Variants in SUPT5H observed in about 807,000 individuals in gnomAD.
The protein encoded by SUPT5H is transcription elongation factor SPT5.
Under a neutral mutation model 142.5 loss-of-function variants are expected in SUPT5H, and 24 were observed. The observed-to-expected ratio is 0.17, with a 90% CI of 0.12 to 0.24. The LOEUF (loss-of-function observed/expected upper bound fraction) is 0.24, where lower values mean the gene tolerates loss of function less well. Among genes scored for constraint, SUPT5H ranks in the 10% least tolerant of loss-of-function variants. The probability of loss-of-function intolerance (pLI) is 1.00; values close to 1 mark genes in which losing one functional copy is unlikely to be tolerated. For synonymous variants in SUPT5H, 546 were observed against 553.0 expected (o/e 0.99, Z 0.18); for missense variants, 893 against 1,471.8 (o/e 0.61, Z 6.43).
chr19:39,475,494 C>G (rs1260810090), intron 28 of SUPT5H, among the ~76,000 whole-genome samples: 1 of 150,990 alleles, frequency 6.6e-6, no homozygotes, highest in African/African-American at 2.4e-5. Flanking sequence ...GCCGGAGAGC[C>G]ATGAAGGAAT....
intron 20 of SUPT5H, 141 bp downstream of exon 20, chr19:39,471,871 G>A (rs1243785156): frequency 1.6e-6 from 2 of 1,245,506 alleles, no homozygotes; most frequent in African/African-American, 3.0e-5. Flanking sequence ...CAAAGAGTGA[G>A]AAGGTTTATT....
rs1184055334 is a variant in SUPT5H, at chr19:39,472,522, G to A, written c.2035+29G>A. 1 of 1,611,830 alleles carries A rather than the reference G, an allele frequency of 6.2e-7. No individual in the cohort carries two copies. Among genetic ancestry groups the A allele is most frequent in the East Asian group, 2.2e-5 (1 of 44,850 alleles). On this transcript the variant is annotated intron_variant, in intron 21 of 29. Transcript: ENST00000432763. The surrounding 1 kb of genome is among the most constrained non-coding windows in gnomAD (Gnocchi z 4.2). ...AGAGGGGTTCAGGGTCAGGGGATGT[G>A]GTGGGTAGAAGGGGCTGGAAGGAAC... is the stretch of plus-strand genomic sequence containing the variant.
At chr19:39,455,581 A>G (rs760720233) in intron 3 of SUPT5H, among the ~76,000 whole-genome samples, 1 of 150,964 alleles carries the variant, frequency 6.6e-6, no homozygotes, top group African/African-American at 2.4e-5. Flanking sequence ...CATGGGGGGA[A>G]CATAGTGGTG....
Position 39,471,779 on chromosome 19 carries a change from C to T in SUPT5H, c.1950+49C>T, listed in dbSNP as rs367572712. On this transcript the variant is annotated intron_variant, in intron 20 of 29. Coordinates refer to ENST00000432763, the MANE Select transcript of SUPT5H (RefSeq NM_001111020.3). ...TGTGCGTTGGGTACCTGGCTCAGCT[C>T]TCCAAGCCTCCTCTGGCCCCAGAAG... 19 of 1,579,986 alleles carry T rather than the reference C, an allele frequency of 1.2e-5. No homozygotes were observed. In the African/African-American group the frequency reaches 2.4e-4, roughly 20 times the overall value.
rs2079408551 is a variant in SUPT5H at position 39,476,500 on chromosome 19, T to A, written c.*101T>A. On this transcript the variant is annotated 3_prime_UTR_variant, in exon 30 of 30. Coordinates refer to ENST00000432763, the MANE Select transcript of SUPT5H (RefSeq NM_001111020.3). ...GATCCTCCTGCAGGGCTAGGCGGAT[T>A]GTTCTGGATTTCCTTTTGTTTTTCC... is the stretch of plus-strand genomic sequence containing the variant. 10 of 1,429,000 alleles carry A rather than the reference T, an allele frequency of 7.0e-6. No individual in the cohort carries two copies. Among genetic ancestry groups the A allele is most frequent in the Non-Finnish European group, 8.6e-6 (9 of 1,047,970 alleles). The allele number at this position is 1,429,000 out of a possible 1,614,324, so 88.5% of individuals were successfully genotyped here. A position where few individuals can be genotyped will look rare whatever the true frequency, so the allele number is the denominator to read the frequency against.
intron 10 of SUPT5H, among the ~76,000 whole-genome samples, chr19:39,460,590 C>T (rs550755054): frequency 2.0e-5 from 3 of 152,194 alleles, no homozygotes; most frequent in African/African-American, 7.2e-5. Flanking sequence ...ATACAAAACT[C>T]AGCTGGGCGT....
chr19:39,471,709 G>A lies in SUPT5H; in HGVS notation c.1929G>A (p.Leu643=), dbSNP rs758797006. Residue 643 remains leucine, a synonymous_variant, in exon 20 of 30, where the codon CTG becomes CTA. Coordinates refer to ENST00000432763, the MANE Select transcript of SUPT5H (RefSeq NM_001111020.3). ...TGTTTGTCTGCAAGACCCGCCACCT[G>A]GTGCTGGCTGGGGGCTCAAAGGTGA... ...GGMFVCKTRH[L]VLAGGSKPRD... The A allele has an allele frequency of 6.2e-7, 1 of 1,614,088 alleles. No individual in the cohort carries two copies. Among genetic ancestry groups the A allele is most frequent in the Non-Finnish European group, 8.5e-7 (1 of 1,179,992 alleles).
chr19:39,472,520 G>A lies in SUPT5H; in HGVS notation c.2035+27G>A, dbSNP rs780143627. The A allele has an allele frequency of 7.4e-6, 12 of 1,612,016 alleles. 1 individual carries two copies. In the East Asian group the frequency reaches 1.1e-4, roughly 15 times the overall value. ...TGAGAGGGGTTCAGGGTCAGGGGAT[G>A]TGGTGGGTAGAAGGGGCTGGAAGGA... On this transcript the variant is annotated intron_variant, in intron 21 of 29. Transcript: ENST00000432763. This position sits in a 1 kb window ranked among gnomAD's most constrained non-coding sequence, Gnocchi z 4.2.
chr19:39,473,997 G>A lies in SUPT5H; in HGVS notation c.2527G>A (p.Glu843Lys), dbSNP rs757555270. ...EEEYEYAFDD[E>K]PTPSPQAYGG... The stretch of plus-strand genomic sequence containing the variant: ...AGAATATGAGTATGCTTTCGATGAT[G>A]AGCCCACCCCGTCCCCGCAGGCCTA... Residue 843 changes from glutamate (E) to lysine (K), a missense_variant, in exon 26 of 30, where the codon GAG becomes AAG. Physicochemically the swap from Glu to Lys is moderately conservative, Grantham distance 56. Coordinates refer to ENST00000432763, the MANE Select transcript of SUPT5H (RefSeq NM_001111020.3). The surrounding 1 kb of genome is among the most constrained non-coding windows in gnomAD (Gnocchi z 5.8). 1 of 1,613,902 alleles carries A rather than the reference G, an allele frequency of 6.2e-7. No individual in the cohort carries two copies. Among genetic ancestry groups the A allele is most frequent in the Non-Finnish European group, 8.5e-7 (1 of 1,179,958 alleles).
intron 3 of SUPT5H, among the ~76,000 whole-genome samples, chr19:39,455,040 T>C (rs2079069730): frequency 6.6e-6 from 1 of 152,234 alleles, no homozygotes; most frequent in Non-Finnish European, 1.5e-5. Context: ...CTTTAGAATT[T>C]ACTTTATGGT....
Position 39,472,402 on chromosome 19 carries a change from A to G in SUPT5H, c.1951-7A>G, listed in dbSNP as rs1382902617. 3.1e-6 allele frequency: 5 copies of G among 1,613,876 alleles called. No individual in the cohort carries two copies. The East Asian group carries it at 8.9e-5, about 29-fold the overall frequency. ...GCCTGCCAGTTCACTCCTTGCTTCT[A>G]TCCTAGCCCCGTGATGTGACCAACT... On this transcript the variant is annotated splice_region_variant and splice_polypyrimidine_tract_variant and intron_variant, in intron 20 of 29. Coordinates refer to ENST00000432763, the MANE Select transcript of SUPT5H (RefSeq NM_001111020.3). This position sits in a 1 kb window ranked among gnomAD's most constrained non-coding sequence, Gnocchi z 4.2.
At position 39,445,968 on chromosome 19, in the gene SUPT5H, C is replaced by T. The variant is rs1262642238; in HGVS notation, c.75+3C>T. ...GCAGTGACGGCGAGGAGGCCGAGGT[C>T]TGTGGCTGGGGCGCTGGGGGAGACA... On this transcript the variant is annotated splice_donor_region_variant and intron_variant, in intron 2 of 29. Transcript: ENST00000432763. The T allele has an allele frequency of 1.9e-6, 3 of 1,612,076 alleles. No homozygotes were observed. The Admixed American group carries it at 5.0e-5, about 27-fold the overall frequency.
At chr19:39,448,620 G>A (rs1330310165) in intron 2 of SUPT5H, among the ~76,000 whole-genome samples, 1 of 152,126 alleles carries the variant, frequency 6.6e-6, no homozygotes, top group South Asian at 2.1e-4. Flanking sequence ...GGCACTGTGA[G>A]GCCTGTCCCC....
At position 39,459,937 on chromosome 19, in the gene SUPT5H, A is replaced by G. The variant is rs1351146607; in HGVS notation, c.601A>G (p.Ile201Val). 2 of 1,614,040 alleles carry G rather than the reference A, an allele frequency of 1.2e-6. No homozygotes were observed. The highest frequency in any genetic ancestry group is 1.3e-5 in the African/African-American group (1 of 75,002). ...GGCCATTTCCTTGATGCGCAAGTTC[A>G]TTGCCTACCAGTTCACAGACACGGT... The part of the protein sequence containing the change: ...ATAISLMRKF[I>V]AYQFTDTPLQ... Residue 201 changes from isoleucine (I) to valine (V), a missense_variant, in exon 10 of 30, where the codon ATT (isoleucine) becomes GTT (valine). Around this residue, in one of 6 missense-constraint regions of SUPT5H, gnomAD observed 428 missense variants for 763.5 expected, o/e 0.56. Transcript: ENST00000432763.
intron 10 of SUPT5H, among the ~76,000 whole-genome samples, chr19:39,464,479 C>T (rs756557283): frequency 6.6e-6 from 1 of 152,224 alleles, no homozygotes; most frequent in Non-Finnish European, 1.5e-5. Context: ...CCCTGCTCAG[C>T]CTCCTGAGTA....
intron 18 of SUPT5H, among the ~76,000 whole-genome samples, chr19:39,471,131 A>C (rs112600118): frequency 0.055 from 8,373 of 152,138 alleles, 724 homozygotes; most frequent in African/African-American, 0.19. Context: ...TCGGGGGTGG[A>C]GTCTCCTTCC....
chr19:39,462,874 C>T (rs1383427363), intron 10 of SUPT5H, among the ~76,000 whole-genome samples: 7 of 139,812 alleles, frequency 5.0e-5, no homozygotes, highest in Admixed American at 3.0e-4. Context: ...GAGTCTCGCA[C>T]CGTTGCCCAG....
chr19:39,458,404 C>A lies in SUPT5H; in HGVS notation c.319+99C>A. 1 of 1,585,168 alleles carries A rather than the reference C, an allele frequency of 6.3e-7. No individual in the cohort carries two copies. ...CCCTCACCGGTAGCCTCCCCACCAG[C>A]CCCGGTCTGGCCCTGAGGGCTCTGA... On this transcript the variant is annotated intron_variant, in intron 5 of 29. Coordinates refer to ENST00000432763, the MANE Select transcript of SUPT5H (RefSeq NM_001111020.3). The surrounding 1 kb of genome is among the most constrained non-coding windows in gnomAD (Gnocchi z 4.2).
Position 39,473,434 on chromosome 19 carries a change from A to G in SUPT5H, c.2405A>G (p.Tyr802Cys), listed in dbSNP as rs1318394548. Reference protein sequence around the residue: ...PLQDGSRTPHYGSQTPLHDGS... With the variant: ...PLQDGSRTPHCGSQTPLHDGS... ...ATTCCAGGTAGCCGCACCCCACACT[A>G]CGGCTCACAGACGCCCCTGCATGAT... The change falls in exon 25 of 30, where the codon TAC becomes TGC. Residue 802 changes from tyrosine (Y) to cysteine (C), a missense_variant. Tyr to Cys is a radical substitution (Grantham distance 194, BLOSUM62 -2). Transcript: ENST00000432763. The surrounding 1 kb of genome is among the most constrained non-coding windows in gnomAD (Gnocchi z 5.8). The G allele has an allele frequency of 1.9e-6, 3 of 1,613,300 alleles. No individual in the cohort carries two copies. The highest frequency in any genetic ancestry group is 1.1e-5 in the South Asian group (1 of 91,068).
Sources: gnomAD v4.1 joint callset for allele counts (sites outside exome capture counted in the v4.1 genomes callset) on GRCh38, gnomAD v4.1.1 for gene constraint, gnomAD v4.1.1 regional missense constraint, Gnocchi (gnomAD v3.1) non-coding constraint, MANE v1.5 for transcripts, NCBI Gene and HGNC (gene_info 2026-07-23, HGNC 2026-07-21) for gene names.